CLOCK: variants seen among roughly 807,000 people sequenced by gnomAD.
CLOCK encodes the protein clock circadian regulator.
CLOCK carries 43 observed loss-of-function variants against 118.4 expected under a neutral mutation model. That is an observed-to-expected ratio of 0.36 (90% CI 0.28 to 0.47). The LOEUF (loss-of-function observed/expected upper bound fraction) is 0.47, where lower values mean the gene tolerates loss of function less well. Ranked by LOEUF, CLOCK falls within the 20% of genes least tolerant of loss-of-function variation. CLOCK has a pLI of 1.00. For missense variants in CLOCK, 846 were observed against 999.9 expected, an observed-to-expected ratio of 0.85 and a Z score of 2.08; for synonymous variants, 326 against 339.2, an observed-to-expected ratio of 0.96 and a Z score of 0.43.
rs1027449336 is a variant in CLOCK at position 55,433,139 on chromosome 4, G to A, written c.*2276C>T. ...AAGGTCAAGAAAGGCAATTTGAAAG[G>A]GGAGAAGAACAATGCTATTGCCATA... On this transcript the variant is annotated 3_prime_UTR_variant, in exon 23 of 23. Transcript: ENST00000513440. 5 of 152,612 alleles carry A rather than the reference G, an allele frequency of 3.3e-5. No homozygotes were observed. Among genetic ancestry groups the A allele is most frequent in the African/African-American group, 9.7e-5 (4 of 41,436 alleles). The allele number at this position is 152,612 out of a possible 1,614,324, so 9.5% of individuals were successfully genotyped here. A position where few individuals can be genotyped will look rare whatever the true frequency, so the allele number is the denominator to read the frequency against.
At chr4:55,521,607 T>C (rs1165004162) in intron 1 of CLOCK, among the ~76,000 whole-genome samples, 1 of 152,224 alleles carries the variant, frequency 6.6e-6, no homozygotes, top group African/African-American at 2.4e-5. Flanking sequence ...GGTTATACCA[T>C]ACCACGGTGG....
At chr4:55,442,735 G>C (rs1363211838) in intron 20 of CLOCK, 101 bp from the exon 21 acceptor site, 2 of 1,032,664 alleles carry the variant, frequency 1.9e-6, no homozygotes, top group South Asian at 1.4e-5. Flanking sequence ...ATATGACAGA[G>C]AAAGAAGTGG....
At chr4:55,522,516 A>T (rs1232402792) in intron 1 of CLOCK, among the ~76,000 whole-genome samples, 1 of 151,856 alleles carries the variant, frequency 6.6e-6, no homozygotes, top group Admixed American at 6.6e-5. Flanking sequence ...AAAAAAAAAG[A>T]AGCATAAAGA....
chr4:55,491,233 C>A (rs1382092053), intron 2 of CLOCK, among the ~76,000 whole-genome samples: 2 of 36,338 alleles, frequency 5.5e-5, no homozygotes, highest in Admixed American at 3.5e-4. Flanking sequence ...TGCAGGTGTG[C>A]TAAAAAAAAA....
In CLOCK at chr4:55,456,202, T is replaced by A; in HGVS notation, c.875+16A>T. ...CATGACTATTACCTTTTCATGGAAT[T>A]TAAAAATGGAATTACCTGTGATCTA... is the stretch of plus-strand genomic sequence containing the variant. On this transcript the variant is annotated intron_variant, in intron 12 of 22. Transcript: ENST00000513440. 3.2e-6 allele frequency: 5 copies of A among 1,541,644 alleles called. No homozygotes were observed. The highest frequency in any genetic ancestry group is 4.5e-6 in the Non-Finnish European group (5 of 1,118,246).
Position 55,429,394 on chromosome 4 carries a change from C to CT in CLOCK, c.*6020dup, listed in dbSNP as rs1486632869. On this transcript the variant is annotated 3_prime_UTR_variant, in exon 23 of 23. Transcript: ENST00000513440. Reference sequence around the variant, plus strand: ...TAAAGTGGAGGATTCTGTTCCAATGCTTGTGAGCAAGAAGGATCCTCAAAT... The same window carrying CT: ...TAAAGTGGAGGATTCTGTTCCAATGCTTTGTGAGCAAGAAGGATCCTCAAAT... The CT allele has an allele frequency of 6.6e-6, 1 of 152,148 alleles. No homozygotes were observed. Among genetic ancestry groups the CT allele is most frequent in the Non-Finnish European group, 1.5e-5 (1 of 68,038 alleles). The allele number at this position is 152,148 out of a possible 1,614,324, so 9.4% of individuals were successfully genotyped here.
At chr4:55,497,937 T>C (rs980105722) in intron 2 of CLOCK, among the ~76,000 whole-genome samples, 1 of 151,520 alleles carries the variant, frequency 6.6e-6, no homozygotes, top group African/African-American at 2.4e-5. Context: ...CAAATGTATA[T>C]AGATTTCTGA....
intron 2 of CLOCK, among the ~76,000 whole-genome samples, chr4:55,492,121 A>G (rs1727740556): frequency 6.6e-6 from 1 of 152,188 alleles, no homozygotes; most frequent in African/African-American, 2.4e-5. Flanking sequence ...TTCCTTATGC[A>G]TATTGATGAA....
chr4:55,483,199 T>A (rs979393386), intron 3 of CLOCK, among the ~76,000 whole-genome samples: 29 of 152,302 alleles, frequency 1.9e-4, no homozygotes, highest in African/African-American at 7.0e-4. Context: ...TGCTAAACAG[T>A]ACAGCAGGCT....
intron 1 of CLOCK, among the ~76,000 whole-genome samples, chr4:55,515,388 G>A (rs1301573471): frequency 1.3e-5 from 2 of 151,884 alleles, no homozygotes; most frequent in Admixed American, 1.3e-4. Context: ...TGTTTTGTTT[G>A]TTTTGAGATG....
At chr4:55,445,069 C>T (rs912266282) in intron 18 of CLOCK, among the ~76,000 whole-genome samples, 1 of 68,046 alleles carries the variant, frequency 1.5e-5, no homozygotes, top group African/African-American at 3.8e-5. Context: ...GGTTCTGGTG[C>T]TTCTTGCTCT....
In CLOCK at chr4:55,444,753, T is replaced by G. The variant is rs1560417667; in HGVS notation, c.1572A>C (p.Gln524His). 1.2e-6 allele frequency: 2 copies of G among 1,614,082 alleles called. No individual in the cohort carries two copies. Among genetic ancestry groups the G allele is most frequent in the Non-Finnish European group, 1.7e-6 (2 of 1,180,000 alleles). Reference protein sequence around the residue: ...FQFSAQLGAMQHLKDQLEQRT... With the variant: ...FQFSAQLGAMHHLKDQLEQRT... ...GTTGTTCCAATTGGTCTTTCAGATG[T>G]TGCATGGCTCCTAATTGAGCTGAAA... The change falls in exon 19 of 23, where the codon CAA becomes CAC. Residue 524 changes from glutamine to histidine, a missense_variant. Physicochemically the swap from Gln to His is conservative, Grantham distance 24. Transcript: ENST00000513440.
chr4:55,527,968 G>T (rs967670063), intron 1 of CLOCK, among the ~76,000 whole-genome samples: 1 of 151,790 alleles, frequency 6.6e-6, no homozygotes, highest in Non-Finnish European at 1.5e-5. Context: ...GGAGTTCAAG[G>T]CTGCAGTGAG....
At chr4:55,445,657 C>G (rs1470165020) in intron 18 of CLOCK, among the ~76,000 whole-genome samples, 1 of 131,988 alleles carries the variant, frequency 7.6e-6, no homozygotes, top group Non-Finnish European at 1.5e-5. Flanking sequence ...GTGGTGCGAT[C>G]ATGGCTCTCT....
chr4:55,455,255 G>C (rs779426643), intron 13 of CLOCK, among the ~76,000 whole-genome samples: 1 of 152,148 alleles, frequency 6.6e-6, no homozygotes, highest in Non-Finnish European at 1.5e-5. Context: ...GTGATAAAAA[G>C]AGTAGGCCTA....
rs1409389828 is a variant in CLOCK, at chr4:55,430,231, A to T, written c.*5184T>A. ...AGTGTTTGCTGGTGGTGGTGATGGA[A>T]TTTCACTTAGTTGTCTCTCCATAAA... On this transcript the variant is annotated 3_prime_UTR_variant, in exon 23 of 23. Transcript: ENST00000513440. 4 of 152,104 alleles carry T rather than the reference A, an allele frequency of 2.6e-5. No homozygotes were observed. The highest frequency in any genetic ancestry group is 5.9e-5 in the Non-Finnish European group (4 of 68,020). 9.4% of individuals were successfully genotyped at this position (152,104 alleles called of 1,614,324 possible).
rs545901876 is a variant in CLOCK, at chr4:55,448,585, C to T, written c.1539+194G>A. ...ATCTGTAACTATAATTATATATGTG[C>T]GCGCGCGCACGCGCGCGTGTGTGTG... On this transcript the variant is annotated intron_variant, in intron 18 of 22. Coordinates refer to ENST00000513440, the MANE Select transcript of CLOCK (RefSeq NM_004898.4). Among the ~76,000 whole-genome samples, 24 of 72,932 alleles carry T rather than the reference C, an allele frequency of 3.3e-4. No homozygotes were observed. In the South Asian group the frequency reaches 5.7e-3, roughly 17 times the overall value. 47.8% of individuals were successfully genotyped at this position (72,932 alleles called of 152,430 possible).
chr4:55,508,409 G>A (rs1427573013), intron 2 of CLOCK, among the ~76,000 whole-genome samples: 1 of 152,102 alleles, frequency 6.6e-6, no homozygotes, highest in Non-Finnish European at 1.5e-5. Flanking sequence ...ATTAGAATAT[G>A]TGTAATACTT....
At chr4:55,465,369 C>T (rs749456000) in intron 8 of CLOCK, among the ~76,000 whole-genome samples, 11 of 152,094 alleles carry the variant, frequency 7.2e-5, no homozygotes, top group Admixed American at 2.6e-4. Flanking sequence ...TGGAACCAAC[C>T]AATTCCCCCA....
Sources: allele counts gnomAD v4.1 joint callset (sites outside exome capture counted in the v4.1 genomes callset), GRCh38; gene constraint gnomAD v4.1.1; transcripts MANE v1.5; gene names NCBI Gene and HGNC (gene_info 2026-07-23, HGNC 2026-07-21).